R3HCC1L: variants seen among roughly 807,000 people sequenced by gnomAD.
R3HCC1L encodes the protein R3H domain and coiled-coil containing 1 like.
In R3HCC1L, 51 loss-of-function variants were observed where a neutral mutation model predicts 59.9. The ratio of observed to expected loss-of-function variants is 0.85; its 90% confidence interval spans 0.68 to 1.07. R3HCC1L has a LOEUF of 1.07. R3HCC1L is among the 50% of genes least tolerant of loss of function. The pLI is 0.00. For synonymous variants in R3HCC1L, 322 were observed against 315.2 expected, an observed-to-expected ratio of 1.02 and a Z score of -0.23; for missense variants, 965 against 933.0, an observed-to-expected ratio of 1.03 and a Z score of -0.45.
At chr10:98,152,471 C>G (rs528378121) in intron 1 of R3HCC1L, among the ~76,000 whole-genome samples, 3 of 133,608 alleles carry the variant, frequency 2.2e-5, no homozygotes, top group African/African-American at 7.8e-5. Flanking sequence ...AAGTGAGGAG[C>G]GCCTCTTCCC....
intron 5 of R3HCC1L, among the ~76,000 whole-genome samples, chr10:98,225,922 C>G (rs1046112838): frequency 9.9e-5 from 15 of 152,136 alleles, no homozygotes; most frequent in Admixed American, 6.5e-4. Context: ...CTCACTGCAG[C>G]CTCGACCTCC....
At chr10:98,184,604 T>C (rs1226640821) in intron 4 of R3HCC1L, among the ~76,000 whole-genome samples, 1 of 152,218 alleles carries the variant, frequency 6.6e-6, no homozygotes, top group Non-Finnish European at 1.5e-5. Flanking sequence ...ATTCCTGTCA[T>C]TACGTGACAC....
At chr10:98,204,784 T>C (rs1852451033) in intron 4 of R3HCC1L, among the ~76,000 whole-genome samples, 1 of 152,190 alleles carries the variant, frequency 6.6e-6, no homozygotes, top group Non-Finnish European at 1.5e-5. Flanking sequence ...TATTAATCTT[T>C]TCCTGTGCCT....
At chr10:98,225,333 T>G (rs1855550385) in intron 5 of R3HCC1L, among the ~76,000 whole-genome samples, 1 of 152,222 alleles carries the variant, frequency 6.6e-6, no homozygotes, top group African/African-American at 2.4e-5. Context: ...CACTTCCATC[T>G]TCATCCCATG....
intron 2 of R3HCC1L, among the ~76,000 whole-genome samples, chr10:98,162,549 A>G (rs1448180387): frequency 1.3e-5 from 2 of 152,154 alleles, no homozygotes; most frequent in South Asian, 2.1e-4. Flanking sequence ...TTTATTTTTT[A>G]TCCATCTACC....
At chr10:98,225,058 CAT>C (rs1491334398) in intron 5 of R3HCC1L, among the ~76,000 whole-genome samples, 2 of 152,006 alleles carry the variant, frequency 1.3e-5, no homozygotes, top group Non-Finnish European at 2.9e-5. Context: ...TTATTAAAGA[CAT>C]TTTTTTTTGT....
intron 1 of R3HCC1L, among the ~76,000 whole-genome samples, chr10:98,151,492 A>G (rs914425731): frequency 1.3e-5 from 2 of 152,198 alleles, no homozygotes; most frequent in Admixed American, 1.3e-4. Context: ...CACCGCAACT[A>G]CTATTATTGT....
chr10:98,198,732 AT>A (rs1851729500), intron 4 of R3HCC1L, among the ~76,000 whole-genome samples: 1 of 152,132 alleles, frequency 6.6e-6, no homozygotes, highest in African/African-American at 2.4e-5. Context: ...TTATCTGTAC[AT>A]TCATGGTTTA....
intron 1 of R3HCC1L, among the ~76,000 whole-genome samples, chr10:98,142,255 G>A (rs1845217268): frequency 6.6e-6 from 1 of 152,166 alleles, no homozygotes; most frequent in Non-Finnish European, 1.5e-5. Flanking sequence ...CATGTTCACT[G>A]CAGACAGTTT....
At chr10:98,176,483 A>G (rs1390666521) in intron 4 of R3HCC1L, among the ~76,000 whole-genome samples, 1 of 152,108 alleles carries the variant, frequency 6.6e-6, no homozygotes, top group Non-Finnish European at 1.5e-5. Flanking sequence ...TAAGCATTTC[A>G]TGTTTTTGAG....
intron 5 of R3HCC1L, among the ~76,000 whole-genome samples, chr10:98,218,157 C>A (rs1854430243): frequency 6.6e-6 from 1 of 151,910 alleles, no homozygotes; most frequent in Admixed American, 6.6e-5. Context: ...TCATATATAG[C>A]CTTTATTATG....
At chr10:98,166,832 A>G (rs985510571) in intron 4 of R3HCC1L, among the ~76,000 whole-genome samples, 1 of 151,874 alleles carries the variant, frequency 6.6e-6, no homozygotes, top group Non-Finnish European at 1.5e-5. Context: ...TGCCTGGCTA[A>G]TTTTTTGTAT....
At chr10:98,235,628 G>C in intron 8 of R3HCC1L, 108 bp downstream of exon 8, 1 of 840,718 alleles carries the variant, frequency 1.2e-6, no homozygotes, top group East Asian at 2.9e-5. Context: ...TTTATTTTTA[G>C]TGTTAAAAGA....
intron 9 of R3HCC1L, among the ~76,000 whole-genome samples, chr10:98,241,037 C>T (rs1174738142): frequency 6.6e-6 from 1 of 151,998 alleles, no homozygotes; most frequent in Non-Finnish European, 1.5e-5. Flanking sequence ...TTAAATGCCC[C>T]CTTATGGGAT....
intron 5 of R3HCC1L, among the ~76,000 whole-genome samples, chr10:98,221,205 C>T (rs1193571182): frequency 1.5e-4 from 23 of 151,904 alleles, no homozygotes; most frequent in Middle Eastern, 3.4e-3. Context: ...TCATGTCCTT[C>T]GCCCACTTGT....
At chr10:98,234,307 CTG>C in intron 6 of R3HCC1L, 137 bp from the exon 7 acceptor site, 1 of 725,774 alleles carries the variant, frequency 1.4e-6, no homozygotes, top group South Asian at 1.7e-5. Context: ...AAACTGTTTT[CTG>C]TGTCATTATC....
At position 98,208,093 on chromosome 10, in the gene R3HCC1L, T is replaced by C; in HGVS notation, c.-14-8T>C. 6.3e-7 allele frequency: 1 copy of C among 1,577,484 alleles called. No homozygotes were observed. Among genetic ancestry groups the C allele is most frequent in the Non-Finnish European group, 8.6e-7 (1 of 1,166,210 alleles). ...GTGTCTAATAATTAAATCATTCTTC[T>C]CTTGCAGATTGTGGTGGTGCCATGC... On this transcript the variant is annotated splice_polypyrimidine_tract_variant and splice_region_variant and intron_variant, in intron 4 of 9. Transcript: ENST00000298999.
intron 4 of R3HCC1L, among the ~76,000 whole-genome samples, chr10:98,169,476 G>C (rs1848298659): frequency 6.6e-6 from 1 of 152,178 alleles, no homozygotes; most frequent in African/African-American, 2.4e-5. Context: ...CATGTAGTAA[G>C]CACTCTGTAA....
chr10:98,141,303 T>C (rs1355762700), intron 1 of R3HCC1L, among the ~76,000 whole-genome samples: 1 of 152,206 alleles, frequency 6.6e-6, no homozygotes, highest in Non-Finnish European at 1.5e-5. Flanking sequence ...AGGGTATATA[T>C]GAGATGAATT....
Sources: gnomAD v4.1 joint callset for allele counts (sites outside exome capture counted in the v4.1 genomes callset) on GRCh38, gnomAD v4.1.1 for gene constraint, MANE v1.5 for transcripts, NCBI Gene and HGNC (gene_info 2026-07-23, HGNC 2026-07-21) for gene names.